Variants in CMSS1 observed in about 807,000 individuals in gnomAD.
CMSS1 encodes cms1 ribosomal small subunit homolog.
CMSS1 carries 33 observed loss-of-function variants against 43.5 expected under a neutral mutation model. The observed-to-expected ratio is 0.76, with a 90% CI of 0.57 to 1.01. CMSS1 has a LOEUF of 1.01. CMSS1 is among the 50% of genes least tolerant of loss of function. The pLI, the probability that CMSS1 is intolerant of heterozygous loss-of-function variation, is 0.00. For missense variants in CMSS1, 313 were observed against 326.4 expected (o/e 0.96, Z 0.32); for synonymous variants, 115 against 117.2 (o/e 0.98, Z 0.12).
chr3:100,140,806 G>GA (rs1037641170), intron 1 of CMSS1, among the ~76,000 whole-genome samples: 1 of 150,550 alleles, frequency 6.6e-6, no homozygotes, highest in African/African-American at 2.4e-5. Flanking sequence ...AAATATAAAA[G>GA]AAAAAAAATT....
rs145084762 is a variant in CMSS1 at position 99,921,192 on chromosome 3, A to G, written c.64+103149A>G. On this transcript the variant is annotated intron_variant, in intron 1 of 9. Coordinates refer to ENST00000421999, the MANE Select transcript of CMSS1 (RefSeq NM_032359.4). The stretch of plus-strand genomic sequence containing the variant: ...GCACTCAGTGAAGTTGGAAGGACTC[A>G]GTCATGGTGTGTTTTGCCATGTCAC... Among the ~76,000 whole-genome samples, 10 of 152,290 alleles carry G rather than the reference A, an allele frequency of 6.6e-5. No individual in the cohort carries two copies. In the East Asian group the frequency reaches 1.7e-3, roughly 27 times the overall value.
chr3:99,866,667 C>T (rs1944537943), intron 1 of CMSS1, among the ~76,000 whole-genome samples: 2 of 152,100 alleles, frequency 1.3e-5, no homozygotes, highest in Non-Finnish European at 2.9e-5. Flanking sequence ...GCTTGGCTTC[C>T]TGCTGAGTAA....
In CMSS1 at chr3:99,917,392, T is replaced by A. The variant is rs556989757; in HGVS notation, c.64+99349T>A. 2.6e-5 allele frequency among the ~76,000 whole-genome samples: 4 copies of A among 152,298 alleles called. No individual in the cohort carries two copies. The South Asian group carries it at 8.3e-4, about 32-fold the overall frequency. Reference sequence around the variant, plus strand: ...CCTCCCGTAACACCAGGCACATAGTTTGAGTACCTAGGAATGATTCTAGGG... The same window carrying A: ...CCTCCCGTAACACCAGGCACATAGTATGAGTACCTAGGAATGATTCTAGGG... On this transcript the variant is annotated intron_variant, in intron 1 of 9. Transcript: ENST00000421999.
chr3:99,890,190 A>G (rs1706039320), intron 1 of CMSS1, among the ~76,000 whole-genome samples: 1 of 152,108 alleles, frequency 6.6e-6, no homozygotes, highest in Admixed American at 6.5e-5. Flanking sequence ...CATTGAAGAT[A>G]TTATTCCACC....
chr3:100,087,943 GCCTCAGC>G (rs1159999793), intron 1 of CMSS1, among the ~76,000 whole-genome samples: 9 of 148,824 alleles, frequency 6.0e-5, no homozygotes, highest in Non-Finnish European at 1.5e-5. Context: ...CAATTCTCCT[GCCTCAGC>G]CTCTCAAGTA....
At position 100,114,916 on chromosome 3, in the gene CMSS1, GC is replaced by G. The variant is rs373987761; in HGVS notation, c.65-32055del. The G allele has an allele frequency of 8.5e-6, 13 of 1,524,550 alleles. No individual in the cohort carries two copies. In the African/African-American group the frequency reaches 1.8e-4, roughly 21 times the overall value. 94.4% of individuals were successfully genotyped at this position (1,524,550 alleles called of 1,614,324 possible). On this transcript the variant is annotated intron_variant, in intron 1 of 9. Transcript: ENST00000421999. Reference sequence around the variant, plus strand: ...CGCTGTGTTGGACTCAAACTTGAATGCCTGCCTGTTCCATTTAGTGTCACAG... The same window carrying G: ...CGCTGTGTTGGACTCAAACTTGAATGCTGCCTGTTCCATTTAGTGTCACAG...
chr3:100,119,904 A>G (rs2066605853), intron 1 of CMSS1, among the ~76,000 whole-genome samples: 1 of 152,238 alleles, frequency 6.6e-6, no homozygotes, highest in Non-Finnish European at 1.5e-5. Context: ...AAAATAGACA[A>G]ATATCTCCAA....
At chr3:99,960,092 T>G (rs1313794031) in intron 1 of CMSS1, among the ~76,000 whole-genome samples, 1 of 152,168 alleles carries the variant, frequency 6.6e-6, no homozygotes, top group African/African-American at 2.4e-5. Flanking sequence ...AACGATTGGC[T>G]CCATCCCGAC....
chr3:99,862,158 C>T (rs1242660591), intron 1 of CMSS1, among the ~76,000 whole-genome samples: 2 of 152,036 alleles, frequency 1.3e-5, no homozygotes, highest in African/African-American at 4.8e-5. Context: ...TCCACAATAT[C>T]TAGATATATA....
chr3:100,049,489 T>C (rs2065334044), intron 1 of CMSS1, among the ~76,000 whole-genome samples: 1 of 152,200 alleles, frequency 6.6e-6, no homozygotes. Flanking sequence ...GATCTATTTA[T>C]ACCTCACTTC....
intron 1 of CMSS1, among the ~76,000 whole-genome samples, chr3:99,984,048 A>ATGTGTGTG (rs367846393): frequency 6.8e-5 from 10 of 147,580 alleles, no homozygotes; most frequent in Admixed American, 2.7e-4. Context: ...AAGGATGTAT[A>ATGTGTGTG]TGTATGTGTG....
intron 1 of CMSS1, among the ~76,000 whole-genome samples, chr3:99,975,667 C>T (rs750036819): frequency 1.3e-5 from 2 of 151,924 alleles, no homozygotes; most frequent in South Asian, 2.1e-4. Flanking sequence ...AACTGAGAAA[C>T]ACAGAGGAAG....
Position 99,947,341 on chromosome 3 carries a change from A to G in CMSS1, c.64+129298A>G, listed in dbSNP as rs190686373. ...TAGGGAACATTAGCTATTGTCATAAATCTTCCATACCATGATATTTGATAG... is the reference window on the plus strand; with the variant it reads ...TAGGGAACATTAGCTATTGTCATAAGTCTTCCATACCATGATATTTGATAG... On this transcript the variant is annotated intron_variant, in intron 1 of 9. Coordinates refer to ENST00000421999, the MANE Select transcript of CMSS1 (RefSeq NM_032359.4). Among the ~76,000 whole-genome samples, 161 of 152,282 alleles carry G rather than the reference A, an allele frequency of 1.1e-3. 1 individual carries two copies. Among genetic ancestry groups the G allele is most frequent in the Admixed American group, 7.9e-3 (121 of 15,286 alleles).
intron 1 of CMSS1, among the ~76,000 whole-genome samples, chr3:99,900,908 G>A (rs1327144272): frequency 6.6e-6 from 1 of 152,202 alleles, no homozygotes; most frequent in Admixed American, 6.5e-5. Context: ...AATTGGCCTA[G>A]GCCCTAGAGT....
intron 1 of CMSS1, chr3:100,040,294 CCT>C (rs1030198743): frequency 6.6e-5 from 10 of 151,930 alleles, no homozygotes; most frequent in African/African-American, 2.4e-4. Context: ...CATCTAACTC[CCT>C]CTTTTAAAAA....
At chr3:99,897,020 A>T (rs759083391) in intron 1 of CMSS1, among the ~76,000 whole-genome samples, 16 of 151,744 alleles carry the variant, frequency 1.1e-4, no homozygotes, top group African/African-American at 2.7e-4. Context: ...CTCAGAACAA[A>T]TTTTTTTTTC....
At chr3:100,028,379 A>G (rs2064965214) in intron 1 of CMSS1, among the ~76,000 whole-genome samples, 1 of 152,134 alleles carries the variant, frequency 6.6e-6, no homozygotes, top group Non-Finnish European at 1.5e-5. Context: ...CAAGATAAGC[A>G]TTTAGGAGGT....
intron 1 of CMSS1, among the ~76,000 whole-genome samples, chr3:100,105,482 C>T (rs2066379323): frequency 6.6e-6 from 1 of 152,168 alleles, no homozygotes; most frequent in South Asian, 2.1e-4. Context: ...TTAACTAATT[C>T]TGGGGCAAAA....
intron 1 of CMSS1, chr3:100,114,352 A>G (rs1473366311): frequency 6.6e-6 from 1 of 152,248 alleles, no homozygotes; most frequent in Non-Finnish European, 1.5e-5. Context: ...CAGCCTTACC[A>G]AAACTCTTAC....
Sources: allele counts gnomAD v4.1 joint callset (sites outside exome capture counted in the v4.1 genomes callset), GRCh38; gene constraint gnomAD v4.1.1; transcripts MANE v1.5; gene names NCBI Gene and HGNC (gene_info 2026-07-23, HGNC 2026-07-21).